Variants in ADCY2 observed in about 807,000 individuals in gnomAD.
The protein encoded by ADCY2 is adenylate cyclase type 2.
In ADCY2, 31 loss-of-function variants were observed where a neutral mutation model predicts 125.2. The observed-to-expected ratio is 0.25, with a 90% CI of 0.19 to 0.33. The LOEUF is 0.33. Ranked by LOEUF, ADCY2 falls within the 10% of genes least tolerant of loss-of-function variation. The pLI is 1.00. For missense variants in ADCY2, 904 were observed against 1,418.2 expected, an observed-to-expected ratio of 0.64 and a Z score of 5.82; for synonymous variants, 512 against 548.4, an observed-to-expected ratio of 0.93 and a Z score of 0.93.
At chr5:7,614,263 C>G (rs977179572) in intron 3 of ADCY2, among the ~76,000 whole-genome samples, 1 of 152,066 alleles carries the variant, frequency 6.6e-6, no homozygotes, top group African/African-American at 2.4e-5. Flanking sequence ...AAAGTTTGGT[C>G]AGCCCTCCTA....
intron 4 of ADCY2, among the ~76,000 whole-genome samples, chr5:7,671,553 T>C (rs1739935377): frequency 6.6e-6 from 1 of 152,226 alleles, no homozygotes; most frequent in Admixed American, 6.5e-5. Context: ...TATTGTTCAC[T>C]ATGAGTGTGG....
chr5:7,498,898 T>C (rs1209510139), intron 2 of ADCY2, among the ~76,000 whole-genome samples: 1 of 152,170 alleles, frequency 6.6e-6, no homozygotes, highest in Admixed American at 6.5e-5. Context: ...GTCACAAGTA[T>C]AATGTTGGCC....
intron 4 of ADCY2, among the ~76,000 whole-genome samples, chr5:7,652,449 G>C (rs1431521949): frequency 6.6e-6 from 1 of 152,118 alleles, no homozygotes; most frequent in East Asian, 1.9e-4. Context: ...TTAAAGCGTG[G>C]CCGTATAGTT....
At position 7,740,002 on chromosome 5, in the gene ADCY2, G is replaced by C. The variant is rs146484643; in HGVS notation, c.1872-3666G>C. Reference sequence around the variant, plus strand: ...TTAAGAAAATAAGATAGAAAGAATTGGTCAAATATTAACAAATTTTATATT... The same window carrying C: ...TTAAGAAAATAAGATAGAAAGAATTCGTCAAATATTAACAAATTTTATATT... On this transcript the variant is annotated intron_variant, in intron 14 of 24. Transcript: ENST00000338316. Among the ~76,000 whole-genome samples, 5 of 151,874 alleles carry C rather than the reference G, an allele frequency of 3.3e-5. 1 individual carries two copies. The highest frequency in any genetic ancestry group is 2.4e-5 in the African/African-American group (1 of 41,474).
chr5:7,561,451 A>G (rs553344114), intron 3 of ADCY2, among the ~76,000 whole-genome samples: 3 of 152,126 alleles, frequency 2.0e-5, no homozygotes, highest in African/African-American at 4.8e-5. Context: ...GTATCTAATC[A>G]TAGAAAAGGT....
intron 4 of ADCY2, among the ~76,000 whole-genome samples, chr5:7,645,678 A>G (rs1738871514): frequency 6.6e-6 from 1 of 151,124 alleles, no homozygotes; most frequent in Admixed American, 6.6e-5. Context: ...TTTATGTTGA[A>G]AAAAAATGAG....
intron 3 of ADCY2, among the ~76,000 whole-genome samples, chr5:7,599,045 C>G (rs1050484496): frequency 1.3e-5 from 2 of 152,232 alleles, no homozygotes; most frequent in Non-Finnish European, 2.9e-5. Flanking sequence ...ATTTTGGTGA[C>G]TTCTGACAGA....
intron 14 of ADCY2, among the ~76,000 whole-genome samples, chr5:7,736,463 TAGTC>T: frequency 6.6e-6 from 1 of 152,326 alleles, no homozygotes; most frequent in African/African-American, 2.4e-5. Context: ...CAAAAACAGA[TAGTC>T]AGCTCTATTA....
At chr5:7,493,709 G>A (rs1743247438) in intron 2 of ADCY2, among the ~76,000 whole-genome samples, 1 of 152,154 alleles carries the variant, frequency 6.6e-6, no homozygotes, top group Non-Finnish European at 1.5e-5. Flanking sequence ...CACATAGAAA[G>A]TGATGGAGGG....
intron 4 of ADCY2, among the ~76,000 whole-genome samples, chr5:7,670,569 C>A (rs999554548): frequency 6.6e-6 from 1 of 152,106 alleles, no homozygotes; most frequent in Non-Finnish European, 1.5e-5. Context: ...GGAATATGTG[C>A]ACACATGCAT....
chr5:7,685,663 A>T (rs1025298), intron 4 of ADCY2, among the ~76,000 whole-genome samples: 1 of 151,992 alleles, frequency 6.6e-6, no homozygotes, highest in African/African-American at 2.4e-5. Flanking sequence ...CAACAGTAGC[A>T]GTTGTTGGGA....
chr5:7,586,550 A>G (rs1736632890), intron 3 of ADCY2, among the ~76,000 whole-genome samples: 1 of 152,070 alleles, frequency 6.6e-6, no homozygotes, highest in Non-Finnish European at 1.5e-5. Flanking sequence ...TCAACCCGTA[A>G]CATTTGCTGC....
At chr5:7,431,837 A>T (rs1740613211) in intron 2 of ADCY2, among the ~76,000 whole-genome samples, 1 of 152,172 alleles carries the variant, frequency 6.6e-6, no homozygotes, top group Admixed American at 6.5e-5. Context: ...TATTACTGAT[A>T]GGGACAGGAG....
chr5:7,649,189 C>G (rs1006882840), intron 4 of ADCY2, among the ~76,000 whole-genome samples: 4 of 152,178 alleles, frequency 2.6e-5, no homozygotes, highest in African/African-American at 9.7e-5. Context: ...CTCCTAGAAC[C>G]ACAAATATTG....
chr5:7,483,957 T>C (rs1005215489), intron 2 of ADCY2, among the ~76,000 whole-genome samples: 1 of 152,228 alleles, frequency 6.6e-6, no homozygotes, highest in Admixed American at 6.5e-5. Flanking sequence ...GAAAATCTTA[T>C]GTTATTGAGC....
intron 2 of ADCY2, among the ~76,000 whole-genome samples, chr5:7,462,938 T>C (rs527549490): frequency 2.9e-4 from 44 of 152,298 alleles, no homozygotes; most frequent in African/African-American, 9.1e-4. Flanking sequence ...CCCTAGCTGA[T>C]GCAGCAAGCC....
chr5:7,581,120 AAAG>A (rs1387206739), intron 3 of ADCY2, among the ~76,000 whole-genome samples: 1 of 152,196 alleles, frequency 6.6e-6, no homozygotes, highest in African/African-American at 2.4e-5. Context: ...GATTGCCAGG[AAAG>A]AAGAACAACC....
intron 2 of ADCY2, among the ~76,000 whole-genome samples, chr5:7,519,113 G>A (rs1250009653): frequency 6.6e-6 from 1 of 152,158 alleles, no homozygotes. Flanking sequence ...TCTTTCCTGT[G>A]CTCTTTTGTG....
chr5:7,738,770 T>C (rs1385120447), intron 14 of ADCY2, among the ~76,000 whole-genome samples: 1 of 151,868 alleles, frequency 6.6e-6, no homozygotes, highest in Non-Finnish European at 1.5e-5. Context: ...GCAAGAAATA[T>C]TAACAGAGAT....
Sources: gnomAD v4.1 joint callset for allele counts (sites outside exome capture counted in the v4.1 genomes callset) on GRCh38, gnomAD v4.1.1 for gene constraint, MANE v1.5 for transcripts, NCBI Gene and HGNC (gene_info 2026-07-23, HGNC 2026-07-21) for gene names.